Variants in NKX2-2 observed in about 807,000 individuals in gnomAD.
NKX2-2 encodes homeobox protein Nkx-2.2.
A neutral mutation model predicts 24.6 loss-of-function variants in NKX2-2; 8 were observed. The observed-to-expected ratio is 0.32, with a 90% CI of 0.19 to 0.59. NKX2-2 has a LOEUF of 0.59. NKX2-2 is among the 20% of genes least tolerant of loss of function. The pLI, the probability that NKX2-2 is intolerant of heterozygous loss-of-function variation, is 0.86. For synonymous variants in NKX2-2, 217 were observed against 173.3 expected, an observed-to-expected ratio of 1.25 and a Z score of -1.98; for missense variants, 381 against 373.9, an observed-to-expected ratio of 1.02 and a Z score of -0.16.
chr20:21,513,430 G>A lies in NKX2-2; in HGVS notation c.240C>T (p.Thr80=), dbSNP rs1266108688. 5.7e-6 allele frequency: 9 copies of A among 1,576,770 alleles called. No individual in the cohort carries two copies. Among genetic ancestry groups the A allele is most frequent in the Middle Eastern group, 1.7e-4 (1 of 5,944 alleles). The change falls in exon 1 of 2, where the codon ACC becomes ACT. Residue 80 remains threonine, a synonymous_variant. Coordinates refer to ENST00000377142, the MANE Select transcript of NKX2-2 (RefSeq NM_002509.4). This position sits in a 1 kb window ranked among gnomAD's most constrained non-coding sequence, Gnocchi z 4.6. ...ACTTACGGGAGTACTGAAGGCCCTC[G>A]GTGCTGGCCAGCCAGCGCGTGTACG... ...DNPYTRWLAS[T]EGLQYSLHGL... is the part of the protein sequence containing the mutation.
chr20:21,516,266 C>T (rs1272553073), upstream of NKX2-2, among the ~76,000 whole-genome samples: 2 of 152,148 alleles, frequency 1.3e-5, no homozygotes, highest in Non-Finnish European at 2.9e-5. Flanking sequence ...GTCGACGCTC[C>T]CCGATTCCTC....
chr20:21,514,235 C>T (rs1233235597), upstream of NKX2-2, among the ~76,000 whole-genome samples: 2 of 152,042 alleles, frequency 1.3e-5, no homozygotes, highest in African/African-American at 4.8e-5. Context: ...ATTAAAAACG[C>T]AAAGGTTGGC....
At chr20:21,518,024 C>A (rs1392922297), upstream of NKX2-2, among the ~76,000 whole-genome samples, 1 of 152,228 alleles carries the variant, frequency 6.6e-6, no homozygotes, top group Admixed American at 6.5e-5. Flanking sequence ...TACCGTCTTG[C>A]ACCCAAGCGA....
rs767906126 is a variant in NKX2-2 at position 21,511,885 on chromosome 20, G to T, written c.*38C>A. 2 of 1,517,924 alleles carry T rather than the reference G, an allele frequency of 1.3e-6. No individual in the cohort carries two copies. Among genetic ancestry groups the T allele is most frequent in the East Asian group, 2.3e-5 (1 of 43,808 alleles). The allele number at this position is 1,517,924 out of a possible 1,614,324, so 94.0% of individuals were successfully genotyped here. The stretch of plus-strand genomic sequence containing the variant: ...TCGCCGCCACCGCCGCCGGGGTGGG[G>T]CCTGGGCCTGGGGCCGCGAGTCTCG... On this transcript the variant is annotated 3_prime_UTR_variant, in exon 2 of 2. Coordinates refer to ENST00000377142, the MANE Select transcript of NKX2-2 (RefSeq NM_002509.4).
Position 21,513,278 on chromosome 20 carries a change from T to A in NKX2-2, c.259+133A>T. ...GGACATCCTATACAGGTGTTAAAAA[T>A]CTTTCTACGGATCCGAGTGAGGGGG... On this transcript the variant is annotated intron_variant, in intron 1 of 1. Transcript: ENST00000377142. The surrounding 1 kb of genome is among the most constrained non-coding windows in gnomAD (Gnocchi z 4.6). The A allele has an allele frequency of 1.0e-6, 1 of 978,096 alleles. No homozygotes were observed. The highest frequency in any genetic ancestry group is 1.4e-6 in the Non-Finnish European group (1 of 693,344). 60.6% of individuals were successfully genotyped at this position (978,096 alleles called of 1,614,324 possible). A position where few individuals can be genotyped will look rare whatever the true frequency, so the allele number is the denominator to read the frequency against.
chr20:21,519,911 GACTC>G, the NKX2-2 span, among the ~76,000 whole-genome samples: 2 of 152,164 alleles, frequency 1.3e-5, no homozygotes, highest in African/African-American at 2.4e-5. Context: ...TGGCAGGAGA[GACTC>G]ACAGCCATTG....
the NKX2-2 span, among the ~76,000 whole-genome samples, chr20:21,522,518 A>T: frequency 6.6e-6 from 1 of 152,010 alleles, no homozygotes; most frequent in Non-Finnish European, 1.5e-5. Flanking sequence ...GCCCCGCGCC[A>T]TCCCCATCCC....
At chr20:21,520,807 C>T in the NKX2-2 span, among the ~76,000 whole-genome samples, 1 of 152,226 alleles carries the variant, frequency 6.6e-6, no homozygotes, top group African/African-American at 2.4e-5. Context: ...GATTACGCAT[C>T]GTCAGTGTTG....
At chr20:21,517,668 C>A (rs1278377709), upstream of NKX2-2, among the ~76,000 whole-genome samples, 1 of 152,234 alleles carries the variant, frequency 6.6e-6, no homozygotes, top group Non-Finnish European at 1.5e-5. Flanking sequence ...GTGCCCAGAG[C>A]ACAGTCCAGT....
chr20:21,517,426 G>A (rs867089178), upstream of NKX2-2, among the ~76,000 whole-genome samples: 1 of 152,170 alleles, frequency 6.6e-6, no homozygotes, highest in Non-Finnish European at 1.5e-5. Flanking sequence ...AGCCTCTCCC[G>A]GGACCTCGAG....
rs912926501 is a variant in NKX2-2 at position 21,511,734 on chromosome 20, G to A, written c.*189C>T. ...GAGGCATGGGCAGAGCTGGGTGGGT[G>A]GAATCTGCCACTCCAAGGAGACGCA... On this transcript the variant is annotated 3_prime_UTR_variant, in exon 2 of 2. Coordinates refer to ENST00000377142, the MANE Select transcript of NKX2-2 (RefSeq NM_002509.4). The A allele has an allele frequency of 2.1e-6, 1 of 484,268 alleles. No individual in the cohort carries two copies. The highest frequency in any genetic ancestry group is 3.6e-6 in the Non-Finnish European group (1 of 278,714). The allele number at this position is 484,268 out of a possible 1,614,324, so 30.0% of individuals were successfully genotyped here.
Position 21,513,916 on chromosome 20 carries a change from A to C in NKX2-2, c.-247T>G. The stretch of plus-strand genomic sequence containing the variant: ...CTGTCTTCTTTGAAAGCACGCGGAA[A>C]TGGACGCAGGAAGCCGGGCGGCCTG... On this transcript the variant is annotated 5_prime_UTR_variant, in exon 1 of 2. Coordinates refer to ENST00000377142, the MANE Select transcript of NKX2-2 (RefSeq NM_002509.4). The surrounding 1 kb of genome is among the most constrained non-coding windows in gnomAD (Gnocchi z 4.6). The C allele has an allele frequency of 2.1e-5, 6 of 287,404 alleles. No individual in the cohort carries two copies. Among genetic ancestry groups the C allele is most frequent in the African/African-American group, 6.5e-5 (3 of 45,898 alleles). 17.8% of individuals were successfully genotyped at this position (287,404 alleles called of 1,614,324 possible).
chr20:21,512,731 G>C (rs1225580687), intron 1 of NKX2-2, among the ~76,000 whole-genome samples: 2 of 152,116 alleles, frequency 1.3e-5, no homozygotes, highest in African/African-American at 2.4e-5. Context: ...GGCTCACATA[G>C]TGTGGGTGAG....
rs1980407698 is a variant in NKX2-2, at chr20:21,511,061, T to TA, written c.*861dup. 6.6e-6 allele frequency: 1 copy of TA among 152,494 alleles called. No homozygotes were observed. Among genetic ancestry groups the TA allele is most frequent in the Admixed American group, 6.5e-5 (1 of 15,282 alleles). 9.4% of individuals were successfully genotyped at this position (152,494 alleles called of 1,614,324 possible). On this transcript the variant is annotated 3_prime_UTR_variant, in exon 2 of 2. Coordinates refer to ENST00000377142, the MANE Select transcript of NKX2-2 (RefSeq NM_002509.4). Reference sequence around the variant, plus strand: ...CAGGATTTTTATTAAAATTCTTATTTAAAAAATCGAAAGCTTTCTGCGCCC... The same window carrying TA: ...CAGGATTTTTATTAAAATTCTTATTTAAAAAAATCGAAAGCTTTCTGCGCCC...
upstream of NKX2-2, among the ~76,000 whole-genome samples, chr20:21,518,837 T>C (rs1443042140): frequency 1.3e-5 from 2 of 152,198 alleles, no homozygotes; most frequent in Non-Finnish European, 1.5e-5. Flanking sequence ...GGGGAGCCTT[T>C]CTTGTGCCTG....
intron 1 of NKX2-2, 85 bp from the exon 2 acceptor site, chr20:21,512,570 C>G (rs1600260840): frequency 9.2e-7 from 1 of 1,084,182 alleles, no homozygotes; most frequent in Non-Finnish European, 1.3e-6. Context: ...CTGGATCCTC[C>G]GTGCGACCCT....
At position 21,511,040 on chromosome 20, in the gene NKX2-2, A is replaced by G. The variant is rs1030450930; in HGVS notation, c.*883T>C. 2 of 152,366 alleles carry G rather than the reference A, an allele frequency of 1.3e-5. No homozygotes were observed. The highest frequency in any genetic ancestry group is 2.9e-5 in the Non-Finnish European group (2 of 68,016). The allele number at this position is 152,366 out of a possible 1,614,324, so 9.4% of individuals were successfully genotyped here. On this transcript the variant is annotated 3_prime_UTR_variant, in exon 2 of 2. Transcript: ENST00000377142. ...TCTTTTTTTCTTTTTTAAACACAGGATTTTTATTAAAATTCTTATTTAAAA... is the reference window on the plus strand; with the variant it reads ...TCTTTTTTTCTTTTTTAAACACAGGGTTTTTATTAAAATTCTTATTTAAAA...
At chr20:21,521,975 C>G in the NKX2-2 span, among the ~76,000 whole-genome samples, 1 of 152,332 alleles carries the variant, frequency 6.6e-6, no homozygotes, top group South Asian at 2.1e-4. Flanking sequence ...CCGCGGGTGC[C>G]GCGCCCCTCC....
In NKX2-2 at chr20:21,513,086, CGGAGTCCGGGGGCTGCGGCT is replaced by C. The variant is rs1396324237; in HGVS notation, c.259+305_259+324del. Among the ~76,000 whole-genome samples, 1 of 152,180 alleles carries C rather than the reference CGGAGTCCGGGGGCTGCGGCT, an allele frequency of 6.6e-6. No individual in the cohort carries two copies. Among genetic ancestry groups the C allele is most frequent in the Non-Finnish European group, 1.5e-5 (1 of 68,026 alleles). On this transcript the variant is annotated intron_variant, in intron 1 of 1. Coordinates refer to ENST00000377142, the MANE Select transcript of NKX2-2 (RefSeq NM_002509.4). This position sits in a 1 kb window ranked among gnomAD's most constrained non-coding sequence, Gnocchi z 4.6. ...CGCCAGGCCAGTCCCTCCCAGCGGC[CGGAGTCCGGGGGCTGCGGCT>C]GGAGCCATCGGTCCGGGTTGACATC...
Sources: gnomAD v4.1 joint callset for allele counts (sites outside exome capture counted in the v4.1 genomes callset) on GRCh38, gnomAD v4.1.1 for gene constraint, Gnocchi (gnomAD v3.1) non-coding constraint, MANE v1.5 for transcripts, NCBI Gene and HGNC (gene_info 2026-07-23, HGNC 2026-07-21) for gene names.